Variants in IQCB1 observed in about 807,000 individuals in gnomAD.
The protein encoded by IQCB1 is IQ calmodulin-binding motif-containing protein 1.
In IQCB1, 56 loss-of-function variants were observed where a neutral mutation model predicts 84.4. The observed-to-expected ratio is 0.66, with a 90% CI of 0.54 to 0.83. The LOEUF (loss-of-function observed/expected upper bound fraction) is 0.83. Among genes scored for constraint, IQCB1 ranks in the 40% least tolerant of loss-of-function variants. IQCB1 has a pLI of 0.00. For missense variants in IQCB1, 629 were observed against 682.1 expected, an observed-to-expected ratio of 0.92 and a Z score of 0.87; for synonymous variants, 210 against 234.8, an observed-to-expected ratio of 0.89 and a Z score of 0.96.
intron 7 of IQCB1, among the ~76,000 whole-genome samples, chr3:121,803,788 C>T (rs1949502156): frequency 1.3e-5 from 2 of 152,174 alleles, no homozygotes; most frequent in East Asian, 1.9e-4. Context: ...GGTATAAGCA[C>T]GGTATATCTT....
At chr3:121,827,142 A>C (rs1004138722) in intron 4 of IQCB1, among the ~76,000 whole-genome samples, 1 of 152,092 alleles carries the variant, frequency 6.6e-6, no homozygotes, top group Non-Finnish European at 1.5e-5. Flanking sequence ...CATTAACCTA[A>C]GTGAACTAAC....
intron 10 of IQCB1, 107 bp from the exon 11 acceptor site, chr3:121,790,322 T>C (rs1166803004): frequency 1.0e-6 from 1 of 968,392 alleles, no homozygotes; most frequent in South Asian, 1.5e-5. Context: ...TTTAAGATAA[T>C]TTCTAGTGTT....
At chr3:121,781,636 C>A in intron 13 of IQCB1, 107 bp downstream of exon 13, 2 of 335,432 alleles carry the variant, frequency 6.0e-6, no homozygotes. Context: ...TAAATGTACA[C>A]ACACACACAC....
intron 7 of IQCB1, among the ~76,000 whole-genome samples, chr3:121,806,474 T>A (rs774643717): frequency 1.5e-4 from 23 of 152,134 alleles, no homozygotes; most frequent in Non-Finnish European, 2.8e-4. Flanking sequence ...CCTCCCTATA[T>A]GGAACTTTAT....
intron 5 of IQCB1, 104 bp from the exon 6 acceptor site, chr3:121,809,113 A>C (rs770186453): frequency 3.2e-5 from 22 of 683,404 alleles, no homozygotes; most frequent in Non-Finnish European, 4.8e-5. Flanking sequence ...CAGTTTCTGG[A>C]TCTAACTTAG....
In IQCB1 at chr3:121,809,056, CTTTT is replaced by C. The variant is rs35072741; in HGVS notation, c.394-51_394-48del. 6 of 893,464 alleles carry C rather than the reference CTTTT, an allele frequency of 6.7e-6. No homozygotes were observed. The East Asian group carries it at 8.1e-5, about 12-fold the overall frequency. 55.3% of individuals were successfully genotyped at this position (893,464 alleles called of 1,614,324 possible). On this transcript the variant is annotated intron_variant, in intron 5 of 14. Coordinates refer to ENST00000310864, the MANE Select transcript of IQCB1 (RefSeq NM_001023570.4). ...AGTTTACTTTTCTATAGTTTTTTTC[CTTTT>C]TTTTTTTTTTAAGGAGACTTCTCTC... is the stretch of plus-strand genomic sequence containing the variant.
Position 121,835,052 on chromosome 3 carries a change from T to G in IQCB1, c.-188A>C. 2 of 574,698 alleles carry G rather than the reference T, an allele frequency of 3.5e-6. No homozygotes were observed. Among genetic ancestry groups the G allele is most frequent in the South Asian group, 2.1e-5 (1 of 47,166 alleles). 35.6% of individuals were successfully genotyped at this position (574,698 alleles called of 1,614,324 possible). On this transcript the variant is annotated 5_prime_UTR_variant, in exon 1 of 15. Coordinates refer to ENST00000310864, the MANE Select transcript of IQCB1 (RefSeq NM_001023570.4). ...CCGCGGCCTTCCGGGGCAGCGTGCG[T>G]CGCGACGCGGGAAGGGGCCTGGAGG...
At chr3:121,822,419 A>G (rs1334766838) in intron 5 of IQCB1, among the ~76,000 whole-genome samples, 2 of 152,152 alleles carry the variant, frequency 1.3e-5, no homozygotes, top group Non-Finnish European at 2.9e-5. Flanking sequence ...CAGAATTTGG[A>G]GCTTGGGGCT....
Position 121,795,562 on chromosome 3 carries a change from A to C in IQCB1, c.881T>G (p.Leu294Arg). Residue 294 changes from leucine (L) to arginine (R), a missense_variant, in exon 10 of 15, where the codon CTA (leucine) becomes CGA (arginine). Physicochemically the swap from Leu to Arg is moderately radical, Grantham distance 102. Transcript: ENST00000310864. ...TTGAATCAAGCATGCTGCTTGATGT[A>C]GTTTCTGAAATGCCGAAAATAATTT... is the stretch of plus-strand genomic sequence containing the variant. ...MVYQEVEEQK[L>R]HQAACLIQAY... is the part of the protein sequence containing the mutation. 2 of 1,578,920 alleles carry C rather than the reference A, an allele frequency of 1.3e-6. No individual in the cohort carries two copies. Among genetic ancestry groups the C allele is most frequent in the Non-Finnish European group, 1.7e-6 (2 of 1,148,312 alleles).
intron 14 of IQCB1, among the ~76,000 whole-genome samples, chr3:121,771,859 A>G (rs1028155837): frequency 1.3e-5 from 2 of 152,108 alleles, no homozygotes; most frequent in Non-Finnish European, 2.9e-5. Flanking sequence ...GTTATGATGA[A>G]TTCATTTTTG....
rs769144614 is a variant in IQCB1 at position 121,782,711 on chromosome 3, G to A, written c.1279-837C>T. The stretch of plus-strand genomic sequence containing the variant: ...TTTTTTTTTTTTGAGATGGAGTCTC[G>A]CTCTGTCACCAGGCTGGAGTGCAGT... On this transcript the variant is annotated intron_variant, in intron 12 of 14. Coordinates refer to ENST00000310864, the MANE Select transcript of IQCB1 (RefSeq NM_001023570.4). 1.6e-3 allele frequency among the ~76,000 whole-genome samples: 240 copies of A among 150,608 alleles called. 5 individuals are homozygous for A. In the Middle Eastern group the frequency reaches 0.034, roughly 21 times the overall value.
At position 121,809,018 on chromosome 3, in the gene IQCB1, A is replaced by AAAAGAT. The variant is rs768572151; in HGVS notation, c.394-15_394-10dup. On this transcript the variant is annotated splice_polypyrimidine_tract_variant and intron_variant, in intron 5 of 14. Coordinates refer to ENST00000310864, the MANE Select transcript of IQCB1 (RefSeq NM_001023570.4). ...TCATCTTTTTCTTCAGCCTTAACAT[A>AAAAGAT]AAAGATAAGCCCAGTTTACTTTTCT... 6.8e-5 allele frequency: 105 copies of AAAAGAT among 1,534,004 alleles called. 2 individuals are homozygous for AAAAGAT. The Admixed American group carries it at 1.7e-3, about 25-fold the overall frequency.
Position 121,772,551 on chromosome 3 carries a change from AC to A in IQCB1, c.1567+5del, listed in dbSNP as rs1318948819. 14 of 1,614,024 alleles carry A rather than the reference AC, an allele frequency of 8.7e-6. No homozygotes were observed. In the Admixed American group the frequency reaches 1.5e-4, roughly 17 times the overall value. On this transcript the variant is annotated splice_donor_5th_base_variant and intron_variant, in intron 14 of 14. Transcript: ENST00000310864. ...TTTAGAGAACGAAAGTAAAATGAGC[AC>A]ATACTCATTAGCTGTTCAACGTTGG... is the stretch of plus-strand genomic sequence containing the variant.
chr3:121,788,052 C>A (rs1482846842), intron 12 of IQCB1, among the ~76,000 whole-genome samples: 1 of 152,142 alleles, frequency 6.6e-6, no homozygotes. Flanking sequence ...ATTAACAAAA[C>A]AACATTGCAG....
At chr3:121,834,241 G>C (rs983085238) in intron 2 of IQCB1, 150 bp downstream of exon 2, 18 of 152,276 alleles carry the variant, frequency 1.2e-4, no homozygotes, top group Admixed American at 9.8e-4. Context: ...GTTGGATTGC[G>C]TAATTACCCT....
At chr3:121,778,919 T>C (rs1948357157) in intron 13 of IQCB1, among the ~76,000 whole-genome samples, 1 of 148,326 alleles carries the variant, frequency 6.7e-6, no homozygotes, top group Non-Finnish European at 1.5e-5. Context: ...AAAAAAAAGG[T>C]ATCTTCTTGC....
At chr3:121,795,958 A>G (rs1949178036) in intron 9 of IQCB1, among the ~76,000 whole-genome samples, 1 of 152,124 alleles carries the variant, frequency 6.6e-6, no homozygotes, top group Non-Finnish European at 1.5e-5. Flanking sequence ...ATCTCTGTTT[A>G]GTTCTGTAAG....
intron 14 of IQCB1, among the ~76,000 whole-genome samples, chr3:121,771,478 G>A (rs530006776): frequency 2.0e-5 from 3 of 151,702 alleles, no homozygotes; most frequent in East Asian, 2.0e-4. Flanking sequence ...ACAGGCACCC[G>A]CCACCATGCC....
chr3:121,823,517 T>A (rs544549441), intron 5 of IQCB1, among the ~76,000 whole-genome samples: 1 of 151,942 alleles, frequency 6.6e-6, no homozygotes, highest in East Asian at 1.9e-4. Flanking sequence ...TGAATTTACA[T>A]CAGAAACAAA....
Sources: gnomAD v4.1 joint callset for allele counts (sites outside exome capture counted in the v4.1 genomes callset) on GRCh38, gnomAD v4.1.1 for gene constraint, MANE v1.5 for transcripts, NCBI Gene and HGNC (gene_info 2026-07-23, HGNC 2026-07-21) for gene names.